The following MCM9 variants were observed in gnomAD, a reference collection of about 807,000 sequenced individuals.
MCM9 encodes the protein DNA helicase MCM9.
Under a neutral mutation model 72.8 loss-of-function variants are expected in MCM9, and 55 were observed. The ratio of observed to expected loss-of-function variants is 0.76; its 90% confidence interval spans 0.61 to 0.95. MCM9 has a LOEUF of 0.95. MCM9 is among the 40% of genes least tolerant of loss of function. The pLI is 0.00. For missense variants in MCM9, 1,279 were observed against 1,377.0 expected (o/e 0.93, Z 1.13); for synonymous variants, 480 against 503.4 (o/e 0.95, Z 0.62).
chr6:118,931,600 C>T lies in MCM9; in HGVS notation c.124G>A (p.Val42Ile), dbSNP rs768251829. 6.2e-7 allele frequency: 1 copy of T among 1,614,130 alleles called. No homozygotes were observed. ...RDEDAHYPVV[V>I]NAMTLFETNM... is the part of the protein sequence containing the mutation. Reference sequence around the variant, plus strand: ...GTCTCAAACAGAGTCATGGCATTAACCACAACTGGGTAATGAGCATCTTCA... The same window carrying T: ...GTCTCAAACAGAGTCATGGCATTAATCACAACTGGGTAATGAGCATCTTCA... Residue 42 changes from valine (V) to isoleucine (I), a missense_variant, in exon 3 of 14, where the codon GTT becomes ATT. Val to Ile is a conservative substitution (Grantham distance 29). Transcript: ENST00000619706.
intron 9 of MCM9, among the ~76,000 whole-genome samples, chr6:118,838,159 C>CTTTT (rs759862698): frequency 1.2e-4 from 14 of 119,704 alleles, no homozygotes; most frequent in South Asian, 5.5e-4. Context: ...GTTGAAAATT[C>CTTTT]TTTTTTTTTT....
At chr6:118,898,744 T>C (rs1779607427) in intron 8 of MCM9, among the ~76,000 whole-genome samples, 1 of 152,208 alleles carries the variant, frequency 6.6e-6, no homozygotes, top group Admixed American at 6.5e-5. Context: ...CTTAGTCTTA[T>C]CCTCACTTGG....
intron 8 of MCM9, among the ~76,000 whole-genome samples, chr6:118,899,458 T>C (rs563992774): frequency 6.6e-6 from 1 of 152,164 alleles, no homozygotes; most frequent in African/African-American, 2.4e-5. Flanking sequence ...GTATTTGCTG[T>C]TCCCTCTGGC....
At chr6:118,854,305 T>G (rs1480083478) in intron 9 of MCM9, among the ~76,000 whole-genome samples, 1 of 152,158 alleles carries the variant, frequency 6.6e-6, no homozygotes, top group Non-Finnish European at 1.5e-5. Flanking sequence ...TAATCTTAAG[T>G]GGAAAACACT....
At chr6:118,826,047 T>A in intron 13 of MCM9, 100 bp downstream of exon 13, 2 of 1,321,366 alleles carry the variant, frequency 1.5e-6, no homozygotes, top group Non-Finnish European at 1.0e-6. Flanking sequence ...ACCCAACACC[T>A]GATAGATAGA....
intron 8 of MCM9, among the ~76,000 whole-genome samples, chr6:118,888,671 A>G (rs1778754698): frequency 6.6e-6 from 1 of 152,206 alleles, no homozygotes; most frequent in African/African-American, 2.4e-5. Context: ...AAAAGTAGAA[A>G]CCACCTAGAT....
At chr6:118,885,356 A>G (rs972348471) in intron 8 of MCM9, among the ~76,000 whole-genome samples, 1 of 152,188 alleles carries the variant, frequency 6.6e-6, no homozygotes, top group Non-Finnish European at 1.5e-5. Context: ...TAAATATTAA[A>G]GCAGAAATTA....
chr6:118,874,107 T>C (rs528350030), intron 8 of MCM9, among the ~76,000 whole-genome samples: 70 of 151,744 alleles, frequency 4.6e-4, no homozygotes, highest in Non-Finnish European at 1.9e-4. Context: ...ATACAAAAAT[T>C]AGATGGGCAT....
chr6:118,820,813 G>A (rs1773749079), intron 13 of MCM9, among the ~76,000 whole-genome samples: 1 of 152,120 alleles, frequency 6.6e-6, no homozygotes, highest in Admixed American at 6.5e-5. Context: ...CTCCTGTATT[G>A]GGTGCATATA....
intron 9 of MCM9, among the ~76,000 whole-genome samples, chr6:118,840,741 C>A (rs905751324): frequency 9.2e-5 from 10 of 108,864 alleles, no homozygotes; most frequent in South Asian, 3.6e-4. Flanking sequence ...CTCCCCCCCC[C>A]CTTTTTTTTT....
At chr6:118,863,511 G>A (rs1777033216) in intron 8 of MCM9, among the ~76,000 whole-genome samples, 1 of 152,200 alleles carries the variant, frequency 6.6e-6, no homozygotes, top group Non-Finnish European at 1.5e-5. Flanking sequence ...AATAAAAATA[G>A]TAACAAATAT....
At chr6:118,837,469 G>A (rs1304917411) in intron 9 of MCM9, among the ~76,000 whole-genome samples, 4 of 152,144 alleles carry the variant, frequency 2.6e-5, no homozygotes, top group Non-Finnish European at 5.9e-5. Context: ...ACAGTGGGGT[G>A]TTCAAGTCTC....
chr6:118,875,213 A>G (rs1777858188), intron 8 of MCM9, among the ~76,000 whole-genome samples: 1 of 152,250 alleles, frequency 6.6e-6, no homozygotes, highest in Non-Finnish European at 1.5e-5. Flanking sequence ...CAAGAGGAAA[A>G]GTCTGATGTT....
chr6:118,909,299 G>A (rs1780371770), intron 8 of MCM9: 1 of 152,146 alleles, frequency 6.6e-6, no homozygotes, highest in African/African-American at 2.4e-5. Context: ...CAATCTATTT[G>A]TAGTGACATC....
At chr6:118,834,513 C>A (rs999683363) in intron 9 of MCM9, among the ~76,000 whole-genome samples, 2 of 151,884 alleles carry the variant, frequency 1.3e-5, no homozygotes, top group Non-Finnish European at 2.9e-5. Context: ...CACATCCTCT[C>A]CAGCATCTGT....
At chr6:118,933,960 T>A (rs982994911) in intron 1 of MCM9, among the ~76,000 whole-genome samples, 1 of 31,060 alleles carries the variant, frequency 3.2e-5, no homozygotes, top group Non-Finnish European at 7.8e-5. Flanking sequence ...ATGTGGACTT[T>A]GCCCAAAAAA....
At chr6:118,900,864 C>T (rs1428812574) in intron 8 of MCM9, 1 of 1,611,288 alleles carries the variant, frequency 6.2e-7, no homozygotes, top group Non-Finnish European at 8.5e-7. Context: ...CGCAGGAAGG[C>T]ATATGTTTGT....
At chr6:118,853,843 T>A (rs1172180987) in intron 9 of MCM9, among the ~76,000 whole-genome samples, 2 of 152,148 alleles carry the variant, frequency 1.3e-5, no homozygotes, top group East Asian at 3.8e-4. Context: ...CAGATCGCTT[T>A]GGGGAGAACT....
intron 6 of MCM9, among the ~76,000 whole-genome samples, chr6:118,914,180 T>C (rs1780762918): frequency 6.6e-6 from 1 of 152,216 alleles, no homozygotes; most frequent in South Asian, 2.1e-4. Context: ...AGAAGATCAC[T>C]GCACACCACA....
Sources: allele counts gnomAD v4.1 joint callset (sites outside exome capture counted in the v4.1 genomes callset), GRCh38; gene constraint gnomAD v4.1.1; transcripts MANE v1.5; gene names NCBI Gene and HGNC (gene_info 2026-07-23, HGNC 2026-07-21).